The following CDH4 variants were observed in gnomAD, a reference collection of about 807,000 sequenced individuals.
CDH4 encodes the protein cadherin 4, also known as cadherin-4.
Under a neutral mutation model 86.0 loss-of-function variants are expected in CDH4, and 33 were observed. That is an observed-to-expected ratio of 0.38 (90% CI 0.29 to 0.51). CDH4 has a LOEUF of 0.51. CDH4 is among the 20% of genes least tolerant of loss of function. The probability of loss-of-function intolerance (pLI) is 0.86; values close to 1 mark genes in which losing one functional copy is unlikely to be tolerated. For missense variants in CDH4, 1,114 were observed against 1,307.4 expected (o/e 0.85, Z 2.28); for synonymous variants, 555 against 549.4 (o/e 1.01, Z -0.14).
At chr20:61,464,769 G>C (rs374575813) in intron 2 of CDH4, among the ~76,000 whole-genome samples, 1 of 152,176 alleles carries the variant, frequency 6.6e-6, no homozygotes, top group Non-Finnish European at 1.5e-5. Flanking sequence ...TCCTGAGCAA[G>C]AGTGGGCGCT....
chr20:61,878,425 C>T (rs1446258231), intron 7 of CDH4, among the ~76,000 whole-genome samples: 2 of 152,214 alleles, frequency 1.3e-5, no homozygotes, highest in Non-Finnish European at 2.9e-5. Context: ...GTGAGCAGAA[C>T]CAAAGGTGTT....
intron 2 of CDH4, among the ~76,000 whole-genome samples, chr20:61,297,910 C>A (rs915836042): frequency 6.6e-6 from 1 of 152,210 alleles, no homozygotes; most frequent in African/African-American, 2.4e-5. Context: ...GGGCAGTGCT[C>A]GCCTGTGGCC....
intron 13 of CDH4, among the ~76,000 whole-genome samples, chr20:61,931,034 G>A (rs781224599): frequency 4.4e-4 from 67 of 152,244 alleles, no homozygotes; most frequent in Non-Finnish European, 2.4e-4. Flanking sequence ...CAGCAGATCC[G>A]CCTGCTGCCC....
At chr20:61,554,842 A>T (rs1378620909) in intron 2 of CDH4, among the ~76,000 whole-genome samples, 1 of 152,204 alleles carries the variant, frequency 6.6e-6, no homozygotes, top group East Asian at 1.9e-4. Context: ...GCATCTGTGC[A>T]TGTATGCGTG....
At chr20:61,528,190 AC>A (rs201870399) in intron 2 of CDH4, among the ~76,000 whole-genome samples, 1,936 of 149,316 alleles carry the variant, frequency 0.013, 44 homozygotes, top group African/African-American at 0.045. Flanking sequence ...AGCTTGGCCA[AC>A]ATGGCGAAAC....
intron 2 of CDH4, among the ~76,000 whole-genome samples, chr20:61,545,768 G>C (rs1332067341): frequency 6.6e-6 from 1 of 151,134 alleles, no homozygotes; most frequent in Non-Finnish European, 1.5e-5. Flanking sequence ...GTGTGTGGGG[G>C]TGGGGTGTGT....
intron 2 of CDH4, chr20:61,570,510 G>A (rs916618744): frequency 6.7e-6 from 4 of 601,482 alleles, no homozygotes; most frequent in Non-Finnish European, 1.2e-5. Context: ...TCTCAAGGAT[G>A]GGAATGAGAA....
rs1205829993 is a variant in CDH4 at position 61,516,121 on chromosome 20, G to A, written c.170-227442G>A. Among the ~76,000 whole-genome samples the A allele has an allele frequency of 6.6e-6, 1 of 152,208 alleles. No homozygotes were observed. Among genetic ancestry groups the A allele is most frequent in the African/African-American group, 2.4e-5 (1 of 41,454 alleles). On this transcript the variant is annotated intron_variant, in intron 2 of 15. Coordinates refer to ENST00000614565, the MANE Select transcript of CDH4 (RefSeq NM_001794.5). The surrounding 1 kb of genome is among the most constrained non-coding windows in gnomAD (Gnocchi z 4.0). ...GTGCTCTGCGTTGCACTGGCAGAGG[G>A]GCAGCACAGGACTTAATTCTGCAGC...
chr20:61,502,141 C>T (rs866761192), intron 2 of CDH4, among the ~76,000 whole-genome samples: 4 of 152,152 alleles, frequency 2.6e-5, no homozygotes, highest in African/African-American at 4.8e-5. Flanking sequence ...AAGCAGTTGA[C>T]GTGGACGATC....
intron 2 of CDH4, among the ~76,000 whole-genome samples, chr20:61,515,631 C>T (rs992489922): frequency 4.6e-5 from 7 of 152,212 alleles, no homozygotes; most frequent in South Asian, 2.1e-4. Context: ...TGTCACTCCA[C>T]ACAGAAGTCC....
At chr20:61,499,606 A>G in intron 2 of CDH4, 1 of 1,022,356 alleles carries the variant, frequency 9.8e-7, no homozygotes, top group Non-Finnish European at 1.3e-6. Flanking sequence ...GGAGGGCTCC[A>G]AGCCAGAATT....
At chr20:61,793,323 T>C (rs2146019290) in intron 4 of CDH4, among the ~76,000 whole-genome samples, 1 of 149,112 alleles carries the variant, frequency 6.7e-6, no homozygotes, top group South Asian at 2.1e-4. Context: ...ACATTAGTTC[T>C]TGGCGACAAA....
At chr20:61,267,833 C>T (rs984299637) in intron 2 of CDH4, among the ~76,000 whole-genome samples, 2 of 152,138 alleles carry the variant, frequency 1.3e-5, no homozygotes, top group East Asian at 1.9e-4. Flanking sequence ...TGCCCAAAAC[C>T]GCTTTACTGT....
At chr20:61,614,952 G>T (rs1014446063) in intron 2 of CDH4, among the ~76,000 whole-genome samples, 1 of 152,000 alleles carries the variant, frequency 6.6e-6, no homozygotes, top group Non-Finnish European at 1.5e-5. Context: ...CTGCTGTCCA[G>T]GTTTCATGTG....
At chr20:61,565,080 GTGGTGGTGCTCT>G (rs761625886) in intron 2 of CDH4, among the ~76,000 whole-genome samples, 2,947 of 125,642 alleles carry the variant, frequency 0.023, 98 homozygotes, top group Non-Finnish European at 0.032. Context: ...GGTGGTGGTG[GTGGTGGTGCTCT>G]TGGTGGTGCT....
At chr20:61,331,612 G>A (rs1600872773) in intron 2 of CDH4, among the ~76,000 whole-genome samples, 2 of 108,994 alleles carry the variant, frequency 1.8e-5, no homozygotes. Context: ...CCGGCCACCT[G>A]CCCCAGGCCC....
At chr20:61,764,668 C>T (rs1389417808) in intron 3 of CDH4, among the ~76,000 whole-genome samples, 1 of 152,202 alleles carries the variant, frequency 6.6e-6, no homozygotes, top group Non-Finnish European at 1.5e-5. Flanking sequence ...TGCATCCGCC[C>T]CATCAGTGGC....
At chr20:61,365,200 G>A (rs1250339523) in intron 2 of CDH4, among the ~76,000 whole-genome samples, 1 of 152,130 alleles carries the variant, frequency 6.6e-6, no homozygotes, top group Non-Finnish European at 1.5e-5. Flanking sequence ...GGCAGAAATG[G>A]TTTCCATGTT....
intron 4 of CDH4, among the ~76,000 whole-genome samples, chr20:61,777,907 TAC>T (rs752544021): frequency 4.7e-5 from 7 of 147,496 alleles, no homozygotes; most frequent in Non-Finnish European, 7.4e-5. Context: ...GTGCATGCAA[TAC>T]ACACATCCAC....
Sources: gnomAD v4.1 joint callset for allele counts (sites outside exome capture counted in the v4.1 genomes callset) on GRCh38, gnomAD v4.1.1 for gene constraint, Gnocchi (gnomAD v3.1) non-coding constraint, MANE v1.5 for transcripts, NCBI Gene and HGNC (gene_info 2026-07-23, HGNC 2026-07-21) for gene names.